RABGAP1L: variants seen among roughly 807,000 people sequenced by gnomAD.
RABGAP1L encodes rab GTPase-activating protein 1-like.
A neutral mutation model predicts 137.7 loss-of-function variants in RABGAP1L; 63 were observed. That is an observed-to-expected ratio of 0.46 (90% confidence interval 0.37 to 0.56). RABGAP1L has a LOEUF of 0.56. Among genes scored for constraint, RABGAP1L ranks in the 20% least tolerant of loss-of-function variants. The pLI is 0.00. For missense variants in RABGAP1L, 1,095 were observed against 1,244.0 expected (o/e 0.88, Z 1.80); for synonymous variants, 431 against 433.7 (o/e 0.99, Z 0.08).
rs145066705 is a variant in RABGAP1L, at chr1:174,812,070, T to C, written c.2340+110T>C. On this transcript the variant is annotated intron_variant, in intron 19 of 25. Transcript: ENST00000681986. ...TGCAAGGTTTGATTATGTTTAAGAT[T>C]AGATTGTGTATGAACTGATTTCTCC... 5.6e-4 allele frequency: 580 copies of C among 1,037,118 alleles called. 1 individual carries two copies. Among genetic ancestry groups the C allele is most frequent in the Non-Finnish European group, 6.4e-4 (492 of 764,542 alleles). The allele number at this position is 1,037,118 out of a possible 1,614,324, so 64.2% of individuals were successfully genotyped here.
chr1:174,163,840 C>G (rs1030823464), intron 1 of RABGAP1L, among the ~76,000 whole-genome samples: 32 of 151,944 alleles, frequency 2.1e-4, no homozygotes, highest in African/African-American at 3.6e-4. Context: ...GTTATTTTCC[C>G]TGTTGCCTGT....
intron 10 of RABGAP1L, among the ~76,000 whole-genome samples, chr1:174,294,101 A>C (rs1382958226): frequency 6.6e-6 from 1 of 152,208 alleles, no homozygotes; most frequent in African/African-American, 2.4e-5. Context: ...ATGCCACCCC[A>C]AAAGATTGTC....
At chr1:174,909,139 A>C (rs753282344) in intron 19 of RABGAP1L, among the ~76,000 whole-genome samples, 17 of 148,646 alleles carry the variant, frequency 1.1e-4, no homozygotes, top group Non-Finnish European at 2.5e-4. Context: ...AGATCGCGCC[A>C]CTCTACTCCA....
intron 12 of RABGAP1L, among the ~76,000 whole-genome samples, chr1:174,386,571 G>A (rs146610160): frequency 2.0e-5 from 3 of 151,750 alleles, no homozygotes; most frequent in African/African-American, 7.2e-5. Flanking sequence ...GCAATGGGGC[G>A]ATCTCGGCTC....
At chr1:174,276,142 ATTATTG>A (rs1414782642) in intron 9 of RABGAP1L, among the ~76,000 whole-genome samples, 2 of 151,918 alleles carry the variant, frequency 1.3e-5, no homozygotes, top group African/African-American at 4.8e-5. Context: ...GTGAATTATT[ATTATTG>A]TTATTATTTT....
chr1:174,528,191 T>A (rs1249077811), intron 13 of RABGAP1L, among the ~76,000 whole-genome samples: 2 of 152,128 alleles, frequency 1.3e-5, no homozygotes, highest in Non-Finnish European at 1.5e-5. Flanking sequence ...ATATAGTCAA[T>A]TGTTTTTGGT....
At chr1:174,581,045 A>G (rs577762789) in intron 13 of RABGAP1L, among the ~76,000 whole-genome samples, 36 of 152,276 alleles carry the variant, frequency 2.4e-4, no homozygotes, top group African/African-American at 8.2e-4. Context: ...GATGTAGAGA[A>G]ATTGGGACCC....
chr1:174,957,669 A>G, intron 20 of RABGAP1L, 120 bp downstream of exon 20: 5 of 957,892 alleles, frequency 5.2e-6, no homozygotes, highest in Non-Finnish European at 8.2e-6. Flanking sequence ...CTCCCACTCC[A>G]GTCTCCCAAG....
chr1:174,345,180 G>C (rs1176058390), intron 11 of RABGAP1L, among the ~76,000 whole-genome samples: 1 of 152,056 alleles, frequency 6.6e-6, no homozygotes, highest in Non-Finnish European at 1.5e-5. Flanking sequence ...ATGCTGTTTT[G>C]GTTGCTATAG....
chr1:174,600,797 G>A (rs1670346745), intron 13 of RABGAP1L, among the ~76,000 whole-genome samples: 1 of 152,158 alleles, frequency 6.6e-6, no homozygotes, highest in Admixed American at 6.5e-5. Context: ...CCAGGCACAT[G>A]GTGCAAACTG....
At chr1:174,530,799 A>C (rs914681849) in intron 13 of RABGAP1L, among the ~76,000 whole-genome samples, 1 of 123,260 alleles carries the variant, frequency 8.1e-6, no homozygotes, top group Non-Finnish European at 1.7e-5. Context: ...TTATACATAC[A>C]TACATACATA....
intron 18 of RABGAP1L, among the ~76,000 whole-genome samples, chr1:174,783,608 T>C (rs887899320): frequency 6.6e-6 from 1 of 152,198 alleles, no homozygotes. Flanking sequence ...CTCAAATCTG[T>C]ATTCATCTTC....
At chr1:174,318,963 A>G (rs1679682457) in intron 11 of RABGAP1L, among the ~76,000 whole-genome samples, 1 of 151,944 alleles carries the variant, frequency 6.6e-6, no homozygotes, top group Admixed American at 6.6e-5. Flanking sequence ...TGTTTTTAAT[A>G]GTTTTGTCTT....
intron 13 of RABGAP1L, among the ~76,000 whole-genome samples, chr1:174,500,279 C>T (rs562959082): frequency 6.6e-6 from 1 of 152,158 alleles, no homozygotes; most frequent in South Asian, 2.1e-4. Flanking sequence ...AGGGTTTTAC[C>T]ACATTGGCCA....
intron 10 of RABGAP1L, among the ~76,000 whole-genome samples, chr1:174,294,170 A>G (rs1676885913): frequency 6.6e-6 from 1 of 152,186 alleles, no homozygotes; most frequent in Non-Finnish European, 1.5e-5. Context: ...TACCTGATAA[A>G]CAACAAATAT....
chr1:174,300,962 G>T (rs148198612), intron 10 of RABGAP1L, among the ~76,000 whole-genome samples: 2 of 152,320 alleles, frequency 1.3e-5, no homozygotes, highest in East Asian at 3.9e-4. Context: ...CACTTTGCCA[G>T]TCGGAGACCT....
intron 1 of RABGAP1L, among the ~76,000 whole-genome samples, chr1:174,216,504 A>T (rs1310971000): frequency 6.6e-6 from 1 of 152,022 alleles, no homozygotes; most frequent in Non-Finnish European, 1.5e-5. Flanking sequence ...CCCATGTACA[A>T]GTAGTGCCAT....
intron 1 of RABGAP1L, among the ~76,000 whole-genome samples, chr1:174,209,297 G>C (rs773990148): frequency 1.3e-5 from 2 of 152,136 alleles, no homozygotes; most frequent in Non-Finnish European, 2.9e-5. Flanking sequence ...GAGTCTTTGG[G>C]TCCCCTTTTC....
intron 13 of RABGAP1L, among the ~76,000 whole-genome samples, chr1:174,607,127 A>G (rs1360920871): frequency 6.6e-6 from 1 of 152,204 alleles, no homozygotes; most frequent in Admixed American, 6.5e-5. Context: ...TGTTCAATGC[A>G]GTATTAAATT....
Sources: gnomAD v4.1 joint callset for allele counts (sites outside exome capture counted in the v4.1 genomes callset) on GRCh38, gnomAD v4.1.1 for gene constraint, MANE v1.5 for transcripts, NCBI Gene and HGNC (gene_info 2026-07-23, HGNC 2026-07-21) for gene names.